TLCD4: variants seen among roughly 807,000 people sequenced by gnomAD.
The protein encoded by TLCD4 is TLC domain containing 4.
In TLCD4, 7 loss-of-function variants were observed where a neutral mutation model predicts 24.2. That is an observed-to-expected ratio of 0.29 (90% CI 0.16 to 0.54). The LOEUF (loss-of-function observed/expected upper bound fraction) is 0.54. Ranked by LOEUF, TLCD4 falls within the 20% of genes least tolerant of loss-of-function variation. The pLI, the probability that TLCD4 is intolerant of heterozygous loss-of-function variation, is 0.95. For synonymous variants in TLCD4, 103 were observed against 106.4 expected, an observed-to-expected ratio of 0.97 and a Z score of 0.20; for missense variants, 259 against 313.9, an observed-to-expected ratio of 0.82 and a Z score of 1.32.
At chr1:95,170,063 C>T (rs1177065667) in intron 5 of TLCD4, among the ~76,000 whole-genome samples, 3 of 152,062 alleles carry the variant, frequency 2.0e-5, no homozygotes, top group Non-Finnish European at 2.9e-5. Context: ...CACATTAACT[C>T]GTAACATTTT....
the TLCD4 span, among the ~76,000 whole-genome samples, chr1:95,095,597 C>A: frequency 1.3e-5 from 2 of 152,074 alleles, no homozygotes; most frequent in African/African-American, 4.8e-5. Flanking sequence ...CAGGGTTTCA[C>A]CGTGTTAGCC....
chr1:95,179,302 G>T (rs1206014236), intron 6 of TLCD4, among the ~76,000 whole-genome samples: 1 of 152,228 alleles, frequency 6.6e-6, no homozygotes, highest in African/African-American at 2.4e-5. Flanking sequence ...ATTGTGGAAA[G>T]TTCTTTTGGT....
upstream of TLCD4, among the ~76,000 whole-genome samples, chr1:95,113,043 C>CTTTTT (rs1054737210): frequency 7.3e-6 from 1 of 136,718 alleles, no homozygotes; most frequent in Non-Finnish European, 1.6e-5. Flanking sequence ...TCTTTTCTTT[C>CTTTTT]TTTTTTTTTT....
At chr1:95,159,645 C>T (rs7516665) in intron 5 of TLCD4, among the ~76,000 whole-genome samples, 65,349 of 152,050 alleles carry the variant, frequency 0.43, 15,909 homozygotes, top group Middle Eastern at 0.58. Flanking sequence ...TTAGGTCTAA[C>T]ATTTAAGTCT....
intron 1 of TLCD4, among the ~76,000 whole-genome samples, chr1:95,140,903 G>T (rs1677182004): frequency 6.6e-6 from 1 of 152,200 alleles, no homozygotes; most frequent in African/African-American, 2.4e-5. Context: ...AACAGGGGTA[G>T]CTGCTTCCTA....
upstream of TLCD4, among the ~76,000 whole-genome samples, chr1:95,113,269 C>T (rs1471745897): frequency 1.3e-5 from 2 of 152,118 alleles, no homozygotes; most frequent in Non-Finnish European, 2.9e-5. Context: ...TGGTCTCAAC[C>T]TCCTAACCTC....
At chr1:95,167,225 G>A (rs966467079) in intron 5 of TLCD4, among the ~76,000 whole-genome samples, 1 of 152,030 alleles carries the variant, frequency 6.6e-6, no homozygotes, top group Non-Finnish European at 1.5e-5. Context: ...TGCCACCAGA[G>A]CTAGGATTCA....
At chr1:95,105,825 G>A in the TLCD4 span, among the ~76,000 whole-genome samples, 25 of 149,338 alleles carry the variant, frequency 1.7e-4, no homozygotes, top group African/African-American at 6.1e-4. Flanking sequence ...AACCCGCGAG[G>A]CGGAGTTTGC....
chr1:95,191,763 G>T lies in TLCD4; in HGVS notation c.687G>T (p.Met229Ile). 6.2e-7 allele frequency: 1 copy of T among 1,614,168 alleles called. No homozygotes were observed. The highest frequency in any genetic ancestry group is 2.2e-5 in the East Asian group (1 of 44,862). ...WVISCVVLDV[M>I]NVMWMIKISK... ...TTAGTTGTGTTGTTTTGGATGTGATGAATGTCATGTGGATGATCAAAATTT... is the reference window on the plus strand; with the variant it reads ...TTAGTTGTGTTGTTTTGGATGTGATTAATGTCATGTGGATGATCAAAATTT... The change falls in exon 7 of 7, where the codon ATG (methionine) becomes ATT (isoleucine). Residue 229 changes from methionine (M) to isoleucine (I), a missense_variant. Physicochemically the swap from Met to Ile is conservative, Grantham distance 10. Coordinates refer to ENST00000370203, the MANE Select transcript of TLCD4 (RefSeq NM_152487.3).
At chr1:95,130,329 T>G (rs542444300) in intron 1 of TLCD4, among the ~76,000 whole-genome samples, 4 of 152,250 alleles carry the variant, frequency 2.6e-5, no homozygotes, top group African/African-American at 9.6e-5. Flanking sequence ...ATTTTTTGTA[T>G]TTTTGGTAGA....
intron 1 of TLCD4, among the ~76,000 whole-genome samples, chr1:95,124,435 A>G (rs953305314): frequency 1.3e-5 from 2 of 152,136 alleles, no homozygotes; most frequent in African/African-American, 4.8e-5. Flanking sequence ...CATTAAGAAA[A>G]CACTATATTT....
chr1:95,168,660 A>G (rs1678103839), intron 5 of TLCD4, among the ~76,000 whole-genome samples: 1 of 146,964 alleles, frequency 6.8e-6, no homozygotes, highest in Admixed American at 7.1e-5. Flanking sequence ...TATAGGCATG[A>G]ACCACCACCT....
At chr1:95,160,442 T>C (rs1259651841) in intron 5 of TLCD4, among the ~76,000 whole-genome samples, 20 of 152,218 alleles carry the variant, frequency 1.3e-4, no homozygotes, top group Admixed American at 1.3e-3. Context: ...TACAGTCATG[T>C]TATCTGCAAA....
intron 6 of TLCD4, among the ~76,000 whole-genome samples, chr1:95,182,635 C>G (rs1455303476): frequency 1.3e-5 from 2 of 152,032 alleles, no homozygotes; most frequent in African/African-American, 4.8e-5. Context: ...GCACTTTACA[C>G]TATCAGTATA....
intron 6 of TLCD4, among the ~76,000 whole-genome samples, chr1:95,182,776 T>C (rs188401155): frequency 2.0e-5 from 3 of 152,276 alleles, no homozygotes; most frequent in East Asian, 1.9e-4. Context: ...GATTGATACT[T>C]GTCACGTAAG....
intron 1 of TLCD4, among the ~76,000 whole-genome samples, chr1:95,141,642 T>A: frequency 6.6e-6 from 1 of 152,302 alleles, no homozygotes; most frequent in South Asian, 2.1e-4. Context: ...CTTTTATGTA[T>A]TGTTTGGTTA....
Position 95,195,728 on chromosome 1 carries a change from C to G in TLCD4, c.*3860C>G, listed in dbSNP as rs1462107294. 6.6e-6 allele frequency: 1 copy of G among 152,110 alleles called. No individual in the cohort carries two copies. Among genetic ancestry groups the G allele is most frequent in the African/African-American group, 2.4e-5 (1 of 41,408 alleles). The allele number at this position is 152,110 out of a possible 1,614,324, so 9.4% of individuals were successfully genotyped here. A position where few individuals can be genotyped will look rare whatever the true frequency, so the allele number is the denominator to read the frequency against. ...AAGCTACTGAAAGTGAGTTCTGATGCAAAACACATGTGAGGTGTGTAGGAA... is the reference window on the plus strand; with the variant it reads ...AAGCTACTGAAAGTGAGTTCTGATGGAAAACACATGTGAGGTGTGTAGGAA... On this transcript the variant is annotated 3_prime_UTR_variant, in exon 7 of 7. Transcript: ENST00000370203.
chr1:95,196,798 T>C lies in TLCD4; in HGVS notation c.*4930T>C, dbSNP rs922141141. ...AGTGTACATTAGGGTTATTTGCTACTTAACAAGCCTAAAGGTATAGCTGTA... is the reference window on the plus strand; with the variant it reads ...AGTGTACATTAGGGTTATTTGCTACCTAACAAGCCTAAAGGTATAGCTGTA... On this transcript the variant is annotated 3_prime_UTR_variant, in exon 7 of 7. Coordinates refer to ENST00000370203, the MANE Select transcript of TLCD4 (RefSeq NM_152487.3). 1 of 152,226 alleles carries C rather than the reference T, an allele frequency of 6.6e-6. No individual in the cohort carries two copies. The highest frequency in any genetic ancestry group is 1.5e-5 in the Non-Finnish European group (1 of 68,040). The allele number at this position is 152,226 out of a possible 1,614,324, so 9.4% of individuals were successfully genotyped here.
the TLCD4 span, among the ~76,000 whole-genome samples, chr1:95,093,146 T>G: frequency 6.6e-6 from 1 of 152,310 alleles, no homozygotes; most frequent in Admixed American, 6.5e-5. Context: ...AAACATATTC[T>G]CCAACATCCA....
Sources: gnomAD v4.1 joint callset for allele counts (sites outside exome capture counted in the v4.1 genomes callset) on GRCh38, gnomAD v4.1.1 for gene constraint, MANE v1.5 for transcripts, NCBI Gene and HGNC (gene_info 2026-07-23, HGNC 2026-07-21) for gene names.